Variants in AFF3 observed in about 807,000 individuals in gnomAD.
AFF3 encodes the protein AF4/FMR2 family member 3.
A neutral mutation model predicts 129.7 loss-of-function variants in AFF3; 32 were observed. That is an observed-to-expected ratio of 0.25 (90% CI 0.19 to 0.33). AFF3 has a LOEUF of 0.33. AFF3 is among the 10% of genes least tolerant of loss of function. AFF3 has a pLI of 1.00. For synonymous variants in AFF3, 644 were observed against 635.4 expected, an observed-to-expected ratio of 1.01 and a Z score of -0.20; for missense variants, 1,373 against 1,592.0, an observed-to-expected ratio of 0.86 and a Z score of 2.34.
intron 3 of AFF3, chr2:100,104,791 CTG>C: frequency 9.6e-6 from 8 of 831,120 alleles, no homozygotes; most frequent in Non-Finnish European, 1.1e-5. Flanking sequence ...GCCCGGCCCG[CTG>C]CTGCAGCCGC....
chr2:100,077,001 C>A (rs950985588), intron 4 of AFF3, among the ~76,000 whole-genome samples: 1 of 152,120 alleles, frequency 6.6e-6, no homozygotes, highest in African/African-American at 2.4e-5. Context: ...GTAATCCTAG[C>A]ACTTTGGAAG....
chr2:99,739,969 C>A (rs1177818613), intron 10 of AFF3, among the ~76,000 whole-genome samples: 1 of 119,834 alleles, frequency 8.3e-6, no homozygotes, highest in Non-Finnish European at 1.7e-5. Flanking sequence ...CCCCTCCCCC[C>A]ACCCCACAAC....
At chr2:99,630,939 G>A (rs1683064706) in intron 13 of AFF3, 2 of 411,708 alleles carry the variant, frequency 4.9e-6, no homozygotes, top group South Asian at 3.7e-5. Flanking sequence ...TGACGTAGCA[G>A]AGAACACAGG....
intron 11 of AFF3, among the ~76,000 whole-genome samples, chr2:99,684,365 T>C (rs73966509): frequency 0.075 from 11,424 of 152,096 alleles, 480 homozygotes; most frequent in East Asian, 0.11. Context: ...TGCAGCCATC[T>C]CCCCTCCCCC....
chr2:99,553,918 C>CAAAAAAAAAAAAAAAAAA (rs61326965), intron 24 of AFF3, among the ~76,000 whole-genome samples: 40 of 56,762 alleles, frequency 7.0e-4, no homozygotes, highest in East Asian at 1.7e-3. Flanking sequence ...TGTCTCAAAC[C>CAAAAAAAAAAAAAAAAAA]AAAAAAAAAA....
chr2:100,116,504 A>G (rs946600352), intron 2 of AFF3, among the ~76,000 whole-genome samples: 2 of 152,102 alleles, frequency 1.3e-5, no homozygotes, highest in African/African-American at 2.4e-5. Context: ...TGGAACATAC[A>G]TGGCTTTGTT....
At chr2:99,928,338 A>G (rs1460849202) in intron 7 of AFF3, among the ~76,000 whole-genome samples, 1 of 152,200 alleles carries the variant, frequency 6.6e-6, no homozygotes, top group Admixed American at 6.5e-5. Context: ...TTTTTAAAAT[A>G]TATAAAACAT....
intron 3 of AFF3, chr2:100,104,945 C>T (rs1192691999): frequency 1.3e-5 from 2 of 154,838 alleles, no homozygotes; most frequent in South Asian, 1.9e-4. Context: ...CCCCTGTACT[C>T]CCCGCGCCGC....
rs533695737 is a variant in AFF3, at chr2:100,021,140, G to A, written c.54-12208C>T. ...TCCCAGACTCCCCTCACCAAATCCCGGGGCCCTATATAAGTCGTACGTAGA... is the reference window on the plus strand; with the variant it reads ...TCCCAGACTCCCCTCACCAAATCCCAGGGCCCTATATAAGTCGTACGTAGA... On this transcript the variant is annotated intron_variant, in intron 4 of 24. Coordinates refer to ENST00000672756, the MANE Select transcript of AFF3 (RefSeq NM_001386135.1). Among the ~76,000 whole-genome samples the A allele has an allele frequency of 7.2e-5, 11 of 152,132 alleles. No homozygotes were observed. The South Asian group carries it at 1.2e-3, about 17-fold the overall frequency.
intron 7 of AFF3, among the ~76,000 whole-genome samples, chr2:99,901,668 C>A (rs927005346): frequency 6.6e-6 from 1 of 152,204 alleles, no homozygotes; most frequent in African/African-American, 2.4e-5. Flanking sequence ...TCTGGAGACT[C>A]CTCTCCGTTG....
intron 7 of AFF3, among the ~76,000 whole-genome samples, chr2:99,849,567 C>T (rs1487359943): frequency 1.3e-5 from 2 of 152,054 alleles, no homozygotes; most frequent in Non-Finnish European, 2.9e-5. Flanking sequence ...AATGTGAGGG[C>T]TAAAAATGAG....
At chr2:99,907,083 C>T (rs1460891139) in intron 7 of AFF3, among the ~76,000 whole-genome samples, 3 of 152,250 alleles carry the variant, frequency 2.0e-5, no homozygotes, top group East Asian at 3.9e-4. Flanking sequence ...TAAAATCAAC[C>T]TCCCTCAACC....
intron 11 of AFF3, among the ~76,000 whole-genome samples, chr2:99,678,628 T>C (rs1674232299): frequency 6.6e-6 from 1 of 152,240 alleles, no homozygotes; most frequent in African/African-American, 2.4e-5. Flanking sequence ...TTGGGCTGTT[T>C]GATTTTCAGA....
chr2:99,754,536 C>T (rs957306358), intron 8 of AFF3, among the ~76,000 whole-genome samples: 4 of 152,122 alleles, frequency 2.6e-5, no homozygotes, highest in African/African-American at 9.7e-5. Flanking sequence ...TAGCTAAAAT[C>T]CAAAAAGATA....
intron 7 of AFF3, among the ~76,000 whole-genome samples, chr2:99,890,507 G>C (rs968064926): frequency 2.6e-5 from 4 of 152,162 alleles, no homozygotes; most frequent in Non-Finnish European, 5.9e-5. Flanking sequence ...AGCCTTGCCT[G>C]GACAGTCACG....
At chr2:100,115,627 A>G (rs1691705603) in intron 2 of AFF3, among the ~76,000 whole-genome samples, 2 of 152,178 alleles carry the variant, frequency 1.3e-5, no homozygotes, top group African/African-American at 2.4e-5. Flanking sequence ...TTCATCCGTT[A>G]TATTTTCAGC....
At position 99,578,390 on chromosome 2, in the gene AFF3, G is replaced by A. The variant is rs1450870964; in HGVS notation, c.2855C>T (p.Pro952Leu). 9 of 1,611,036 alleles carry A rather than the reference G, an allele frequency of 5.6e-6. No individual in the cohort carries two copies. The highest frequency in any genetic ancestry group is 3.3e-5 in the South Asian group (3 of 90,260). ...PLHKSRPQTK[P>L]WSPGSNGHRD... ...GTGGCCGTTGGAGCCTGGAGACCACGGCTTCGTCTGCGGCCGTGACTTGTG... is the reference window on the plus strand; with the variant it reads ...GTGGCCGTTGGAGCCTGGAGACCACAGCTTCGTCTGCGGCCGTGACTTGTG... Residue 952 changes from proline to leucine, a missense_variant, in exon 18 of 25, where the codon CCG becomes CTG. Physicochemically the swap from Pro to Leu is moderately conservative, Grantham distance 98. Around this residue, in one of 9 missense-constraint regions of AFF3, gnomAD observed 466 missense variants for 505.0 expected, o/e 0.92. Transcript: ENST00000672756.
At chr2:99,806,199 G>A (rs2105544500) in intron 8 of AFF3, among the ~76,000 whole-genome samples, 1 of 152,260 alleles carries the variant, frequency 6.6e-6, no homozygotes, top group South Asian at 2.1e-4. Flanking sequence ...TCAGCAGACT[G>A]CTCTAGCACT....
chr2:99,742,483 T>C (rs1680799042), intron 10 of AFF3, among the ~76,000 whole-genome samples: 1 of 152,178 alleles, frequency 6.6e-6, no homozygotes, highest in Admixed American at 6.6e-5. Flanking sequence ...AGAAGAAGCA[T>C]CCGTTTTTAT....
Sources: allele counts gnomAD v4.1 joint callset (sites outside exome capture counted in the v4.1 genomes callset), GRCh38; gene constraint gnomAD v4.1.1; regional missense constraint gnomAD v4.1.1; transcripts MANE v1.5; gene names NCBI Gene and HGNC (gene_info 2026-07-23, HGNC 2026-07-21).